KDELR2: variants seen among roughly 807,000 people sequenced by gnomAD.
KDELR2 encodes ER lumen protein-retaining receptor 2.
KDELR2 carries 15 observed loss-of-function variants against 23.9 expected under a neutral mutation model. That is an observed-to-expected ratio of 0.63 (90% CI 0.42 to 0.97). KDELR2 has a LOEUF of 0.97. KDELR2 is among the 50% of genes least tolerant of loss of function. KDELR2 has a pLI of 0.00. For missense variants in KDELR2, 272 were observed against 254.6 expected, an observed-to-expected ratio of 1.07 and a Z score of -0.46; for synonymous variants, 119 against 106.2, an observed-to-expected ratio of 1.12 and a Z score of -0.74.
intron 1 of KDELR2, among the ~76,000 whole-genome samples, chr7:6,477,245 G>A (rs200750238): frequency 2.7e-4 from 30 of 110,606 alleles, no homozygotes; most frequent in East Asian, 1.5e-3. Context: ...GGAAATCTGC[G>A]GATGCTAACG....
chr7:6,463,966 G>A (rs1406980209), intron 4 of KDELR2, among the ~76,000 whole-genome samples: 2 of 122,866 alleles, frequency 1.6e-5, no homozygotes, highest in African/African-American at 5.4e-5. Flanking sequence ...GGAGGCTGAG[G>A]CAGGAGGATC....
At chr7:6,472,433 A>G (rs886553035) in intron 2 of KDELR2, among the ~76,000 whole-genome samples, 1 of 151,966 alleles carries the variant, frequency 6.6e-6, no homozygotes, top group Non-Finnish European at 1.5e-5. Flanking sequence ...CTTAGAAACT[A>G]CAACCAAGCA....
chr7:6,464,711 A>AAGAC, intron 4 of KDELR2, among the ~76,000 whole-genome samples: 1 of 150,348 alleles, frequency 6.7e-6, no homozygotes, highest in South Asian at 2.1e-4. Flanking sequence ...GGAAAGAGAT[A>AAGAC]AGACATATAT....
At position 6,462,914 on chromosome 7, in the gene KDELR2, TG is replaced by T. The variant is rs1174256751; in HGVS notation, c.*226del. 1 of 1,440,062 alleles carries T rather than the reference TG, an allele frequency of 6.9e-7. No homozygotes were observed. Among genetic ancestry groups the T allele is most frequent in the Non-Finnish European group, 9.4e-7 (1 of 1,060,168 alleles). 89.2% of individuals were successfully genotyped at this position (1,440,062 alleles called of 1,614,324 possible). On this transcript the variant is annotated 3_prime_UTR_variant, in exon 5 of 5. Coordinates refer to ENST00000258739, the MANE Select transcript of KDELR2 (RefSeq NM_006854.4). ...TTATTAATACAGCATTAAGTTTCTT[TG>T]TGTAAAAAAATCTTTGTACACAGTA...
In KDELR2 at chr7:6,478,459, T is replaced by C. The variant is rs928432370; in HGVS notation, c.92-4175A>G. ...ACTGCTATTTTCATATTCAAATTCC[T>C]AACTCCTAGCAAGACTAAGCATCCT... On this transcript the variant is annotated intron_variant, in intron 1 of 4. Transcript: ENST00000258739. Among the ~76,000 whole-genome samples, 9 of 152,304 alleles carry C rather than the reference T, an allele frequency of 5.9e-5. No homozygotes were observed. In the South Asian group the frequency reaches 1.0e-3, roughly 18 times the overall value.
rs1785391600 is a variant in KDELR2, at chr7:6,461,668, A to G, written c.*1473T>C. 1 of 151,338 alleles carries G rather than the reference A, an allele frequency of 6.6e-6. No individual in the cohort carries two copies. The highest frequency in any genetic ancestry group is 2.4e-5 in the African/African-American group (1 of 41,136). The allele number at this position is 151,338 out of a possible 1,614,324, so 9.4% of individuals were successfully genotyped here. A position where few individuals can be genotyped will look rare whatever the true frequency, so the allele number is the denominator to read the frequency against. ...TTAGAAAGATGTTAAGACACACACT[A>G]GATACAAATGAAACCCATCCTGCTC... On this transcript the variant is annotated 3_prime_UTR_variant, in exon 5 of 5. Transcript: ENST00000258739.
chr7:6,483,039 A>C (rs1785938416), intron 1 of KDELR2, among the ~76,000 whole-genome samples: 1 of 151,912 alleles, frequency 6.6e-6, no homozygotes, highest in African/African-American at 2.4e-5. Flanking sequence ...ACTCTCAATT[A>C]TTATACCTTT....
chr7:6,465,547 C>T (rs1344788041), intron 4 of KDELR2, among the ~76,000 whole-genome samples: 1 of 152,010 alleles, frequency 6.6e-6, no homozygotes, highest in Non-Finnish European at 1.5e-5. Context: ...GTTCACACGT[C>T]CTATGTTCAT....
chr7:6,482,276 G>C (rs926858510), intron 1 of KDELR2: 2 of 184,000 alleles, frequency 1.1e-5, no homozygotes, highest in East Asian at 3.1e-4. Flanking sequence ...TGTGATTACA[G>C]GCATGAGCCA....
Position 6,462,976 on chromosome 7 carries a change from A to G in KDELR2, c.*165T>C. 6.2e-7 allele frequency: 1 copy of G among 1,613,204 alleles called. No individual in the cohort carries two copies. Among genetic ancestry groups the G allele is most frequent in the East Asian group, 2.2e-5 (1 of 44,880 alleles). Reference sequence around the variant, plus strand: ...ATAAGGCAAGATGCATTAAACAGAAACCTTCTGGCTCTTTTCCTCTGCGTT... The same window carrying G: ...ATAAGGCAAGATGCATTAAACAGAAGCCTTCTGGCTCTTTTCCTCTGCGTT... On this transcript the variant is annotated 3_prime_UTR_variant, in exon 5 of 5. Coordinates refer to ENST00000258739, the MANE Select transcript of KDELR2 (RefSeq NM_006854.4).
intron 1 of KDELR2, among the ~76,000 whole-genome samples, chr7:6,479,752 C>T (rs1435660007): frequency 6.6e-6 from 1 of 152,228 alleles, no homozygotes; most frequent in Non-Finnish European, 1.5e-5. Context: ...CCTAGGATTA[C>T]AGGCGTGAGC....
intron 2 of KDELR2, among the ~76,000 whole-genome samples, chr7:6,472,493 T>C (rs1785670054): frequency 6.6e-6 from 1 of 152,214 alleles, no homozygotes. Flanking sequence ...GAGAGGATTC[T>C]TGCTCACACA....
At chr7:6,474,061 A>G in intron 2 of KDELR2, 123 bp downstream of exon 2, 1 of 625,738 alleles carries the variant, frequency 1.6e-6, no homozygotes. Context: ...TAAAGTCAAG[A>G]ACAGCATATT....
intron 1 of KDELR2, among the ~76,000 whole-genome samples, chr7:6,479,201 A>C (rs1021476867): frequency 6.6e-6 from 1 of 152,118 alleles, no homozygotes; most frequent in African/African-American, 2.4e-5. Flanking sequence ...TCTGTCACCC[A>C]AGCTGAAGTG....
chr7:6,471,795 C>T (rs1785649044), intron 2 of KDELR2, among the ~76,000 whole-genome samples: 1 of 152,162 alleles, frequency 6.6e-6, no homozygotes, highest in South Asian at 2.1e-4. Flanking sequence ...GTGGATAAAG[C>T]TGCTGTGAAC....
Position 6,484,033 on chromosome 7 carries a change from C to A in KDELR2, c.25G>T (p.Asp9Tyr). The change falls in exon 1 of 5, where the codon GAC (aspartate) becomes TAC (tyrosine). Residue 9 changes from aspartate to tyrosine, a missense_variant. By Grantham distance (160) the Asp-to-Tyr change is radical (BLOSUM62 -3). Coordinates refer to ENST00000258739, the MANE Select transcript of KDELR2 (RefSeq NM_006854.4). The part of the protein sequence containing the change: MNIFRLTG[D>Y]LSHLAAIVIL... ...ACGATGGCCGCCAGGTGGGACAGGT[C>A]CCCAGTCAGCCGGAAAATGTTCATG... 6.6e-7 allele frequency: 1 copy of A among 1,522,654 alleles called. No homozygotes were observed. The highest frequency in any genetic ancestry group is 2.8e-5 in the East Asian group (1 of 35,424). 94.3% of individuals were successfully genotyped at this position (1,522,654 alleles called of 1,614,324 possible).
rs372291049 is a variant in KDELR2 at position 6,473,082 on chromosome 7, A to T, written c.192+1102T>A. On this transcript the variant is annotated intron_variant, in intron 2 of 4. Transcript: ENST00000258739. ...GCCACCATGCCTGGCTAATTTTTGT[A>T]TTTTTTTTTTTTTTTTTTTTTTAGA... Among the ~76,000 whole-genome samples, 563 of 94,766 alleles carry T rather than the reference A, an allele frequency of 5.9e-3. 1 individual carries two copies. Among genetic ancestry groups the T allele is most frequent in the Middle Eastern group, 0.018 (3 of 164 alleles). The allele number at this position is 94,766 out of a possible 152,430, so 62.2% of individuals were successfully genotyped here.
chr7:6,467,627 G>A (rs1032928507), intron 3 of KDELR2, among the ~76,000 whole-genome samples: 1 of 152,178 alleles, frequency 6.6e-6, no homozygotes, highest in African/African-American at 2.4e-5. Flanking sequence ...CAGGCATGAT[G>A]GTGGGTGCCT....
At chr7:6,468,492 C>A (rs1270914981) in intron 3 of KDELR2, among the ~76,000 whole-genome samples, 2 of 151,870 alleles carry the variant, frequency 1.3e-5, no homozygotes, top group African/African-American at 4.8e-5. Context: ...CCACACCCAG[C>A]TAATTTTTGA....
Sources: gnomAD v4.1 joint callset for allele counts (sites outside exome capture counted in the v4.1 genomes callset) on GRCh38, gnomAD v4.1.1 for gene constraint, MANE v1.5 for transcripts, NCBI Gene and HGNC (gene_info 2026-07-23, HGNC 2026-07-21) for gene names.